PLPPR1: variants seen among roughly 807,000 people sequenced by gnomAD.
PLPPR1 encodes the protein phospholipid phosphatase related 1.
Under a neutral mutation model 33.1 loss-of-function variants are expected in PLPPR1, and 10 were observed. The ratio of observed to expected loss-of-function variants is 0.30; its 90% CI spans 0.19 to 0.51. PLPPR1 has a LOEUF of 0.51. Ranked by LOEUF, PLPPR1 falls within the 20% of genes least tolerant of loss-of-function variation. The pLI, the probability that PLPPR1 is intolerant of heterozygous loss-of-function variation, is 0.97. For missense variants in PLPPR1, 304 were observed against 408.1 expected, an observed-to-expected ratio of 0.74 and a Z score of 2.20; for synonymous variants, 151 against 151.0, an observed-to-expected ratio of 1.00 and a Z score of 0.00.
intron 1 of PLPPR1, among the ~76,000 whole-genome samples, chr9:101,152,811 A>G (rs530669823): frequency 9.8e-4 from 149 of 152,236 alleles, no homozygotes; most frequent in Admixed American, 4.3e-3. Context: ...GCCTTGTAGT[A>G]TAGTTTGAAG....
intron 5 of PLPPR1, among the ~76,000 whole-genome samples, chr9:101,312,175 G>A (rs1023133992): frequency 2.0e-5 from 3 of 152,192 alleles, no homozygotes; most frequent in African/African-American, 4.8e-5. Context: ...GCTGATCACA[G>A]CTGTCCTGAG....
At chr9:101,243,877 A>G (rs1301800998) in intron 2 of PLPPR1, among the ~76,000 whole-genome samples, 1 of 151,878 alleles carries the variant, frequency 6.6e-6, no homozygotes, top group African/African-American at 2.4e-5. Context: ...GATAGCTGAA[A>G]CCCTGGGAGT....
At chr9:101,228,125 C>A (rs138519121) in intron 2 of PLPPR1, among the ~76,000 whole-genome samples, 61 of 152,242 alleles carry the variant, frequency 4.0e-4, no homozygotes, top group Middle Eastern at 3.4e-3. Flanking sequence ...AAGATGACTG[C>A]CTAGGATGTT....
chr9:101,244,659 G>A (rs1224250363), intron 2 of PLPPR1, among the ~76,000 whole-genome samples: 1 of 151,814 alleles, frequency 6.6e-6, no homozygotes, highest in African/African-American at 2.4e-5. Context: ...TCTATAATTT[G>A]GAGATAATCT....
chr9:101,035,735 G>T lies in PLPPR1; in HGVS notation c.-46+6633G>T, dbSNP rs12343301. ...TTACTGAACCAACTTCTCCTTTTGAGTCATTGATGACACTTCAAATAAAGC... is the reference window on the plus strand; with the variant it reads ...TTACTGAACCAACTTCTCCTTTTGATTCATTGATGACACTTCAAATAAAGC... On this transcript the variant is annotated intron_variant, in intron 1 of 7. Transcript: ENST00000374874. Among the ~76,000 whole-genome samples, 245 of 152,238 alleles carry T rather than the reference G, an allele frequency of 1.6e-3. 1 individual carries two copies. Among genetic ancestry groups the T allele is most frequent in the Middle Eastern group, 0.01 (3 of 294 alleles).
intron 4 of PLPPR1, among the ~76,000 whole-genome samples, chr9:101,293,122 TGGAAAACAAAAAAA>T (rs1243518983): frequency 2.7e-5 from 4 of 150,274 alleles, no homozygotes; most frequent in African/African-American, 9.8e-5. Flanking sequence ...ACCAAGCAAA[TGGAAAACAAAAAAA>T]GGCAGGGGTT....
At chr9:101,134,308 A>T (rs559472479) in intron 1 of PLPPR1, among the ~76,000 whole-genome samples, 1 of 152,218 alleles carries the variant, frequency 6.6e-6, no homozygotes, top group East Asian at 1.9e-4. Context: ...AGCCTAAGTC[A>T]TAGAAAATAA....
chr9:101,317,867 G>A (rs1490681632), intron 7 of PLPPR1, among the ~76,000 whole-genome samples: 4 of 152,254 alleles, frequency 2.6e-5, no homozygotes, highest in African/African-American at 9.6e-5. Context: ...GTTACACACA[G>A]TGATGTAAGT....
chr9:101,140,287 A>T (rs16919949), intron 1 of PLPPR1, among the ~76,000 whole-genome samples: 2 of 152,128 alleles, frequency 1.3e-5, no homozygotes, highest in African/African-American at 4.8e-5. Flanking sequence ...GCTGAAATGT[A>T]CAGAAGCCAA....
chr9:101,078,172 AGAAGAAGAAGAAGAG>A (rs1564138250), intron 1 of PLPPR1, among the ~76,000 whole-genome samples: 56 of 23,398 alleles, frequency 2.4e-3, no homozygotes, highest in Non-Finnish European at 3.5e-3. Flanking sequence ...AAGAAGAAGA[AGAAGAAGAAGAAGAG>A]GAGGGGGGGA....
At chr9:101,042,240 C>T (rs567326367) in intron 1 of PLPPR1, among the ~76,000 whole-genome samples, 1 of 152,286 alleles carries the variant, frequency 6.6e-6, no homozygotes, top group Admixed American at 6.5e-5. Flanking sequence ...AAAGGGTAAG[C>T]CTTCATCCAA....
intron 2 of PLPPR1, among the ~76,000 whole-genome samples, chr9:101,250,313 C>T (rs1030112558): frequency 1.3e-5 from 2 of 152,014 alleles, no homozygotes; most frequent in Non-Finnish European, 2.9e-5. Flanking sequence ...CTGTGCATCT[C>T]GAACTGATTC....
At chr9:101,280,485 A>G (rs113709413) in intron 3 of PLPPR1, among the ~76,000 whole-genome samples, 145 of 152,290 alleles carry the variant, frequency 9.5e-4, no homozygotes, top group South Asian at 8.5e-3. Flanking sequence ...GACACATCAA[A>G]AAAAGGAAAA....
At chr9:101,036,046 G>A (rs1164275794) in intron 1 of PLPPR1, among the ~76,000 whole-genome samples, 1 of 152,168 alleles carries the variant, frequency 6.6e-6, no homozygotes, top group Admixed American at 6.5e-5. Flanking sequence ...TTGATACTGT[G>A]TGTGTTCATC....
intron 1 of PLPPR1, among the ~76,000 whole-genome samples, chr9:101,117,930 G>A (rs1831135124): frequency 6.6e-6 from 1 of 152,132 alleles, no homozygotes; most frequent in South Asian, 2.1e-4. Context: ...TGGTACTCTG[G>A]GATATTGGGG....
intron 4 of PLPPR1, among the ~76,000 whole-genome samples, chr9:101,295,533 A>G (rs1326715059): frequency 5.3e-5 from 8 of 151,846 alleles, no homozygotes; most frequent in African/African-American, 7.3e-5. Flanking sequence ...GAGGCATCAC[A>G]CTACCTGACT....
intron 2 of PLPPR1, among the ~76,000 whole-genome samples, chr9:101,247,145 G>T (rs1172149166): frequency 2.0e-5 from 3 of 151,972 alleles, no homozygotes; most frequent in African/African-American, 7.2e-5. Flanking sequence ...ACTAAGAGGT[G>T]CCCAAAGCAG....
At chr9:101,176,434 C>T (rs1438573423) in intron 1 of PLPPR1, among the ~76,000 whole-genome samples, 1 of 152,156 alleles carries the variant, frequency 6.6e-6, no homozygotes, top group East Asian at 1.9e-4. Flanking sequence ...TGAGGCACTC[C>T]TACGCGTTCC....
rs1827697839 is a variant in PLPPR1, at chr9:101,250,586, T to C, written c.64-19294T>C. On this transcript the variant is annotated intron_variant, in intron 2 of 7. Transcript: ENST00000374874. ...GGCTAGGTGTTGTTTTTGCTCCTCA[T>C]TGCTTCTTCCAGACTAATGTCCTGC... Among the ~76,000 whole-genome samples, 3 of 152,012 alleles carry C rather than the reference T, an allele frequency of 2.0e-5. No individual in the cohort carries two copies. The South Asian group carries it at 6.2e-4, about 32-fold the overall frequency.
Sources: gnomAD v4.1 joint callset for allele counts (sites outside exome capture counted in the v4.1 genomes callset) on GRCh38, gnomAD v4.1.1 for gene constraint, MANE v1.5 for transcripts, NCBI Gene and HGNC (gene_info 2026-07-23, HGNC 2026-07-21) for gene names.